Variants in R3HCC1L observed in about 807,000 individuals in gnomAD.
R3HCC1L encodes R3H domain and coiled-coil containing 1 like, also known as coiled-coil domain-containing protein R3HCC1L.
R3HCC1L carries 51 observed loss-of-function variants against 59.9 expected under a neutral mutation model. The observed-to-expected ratio is 0.85, with a 90% confidence interval of 0.68 to 1.07. The LOEUF (loss-of-function observed/expected upper bound fraction) is 1.07, where lower values mean the gene tolerates loss of function less well. Ranked by LOEUF, R3HCC1L falls within the 50% of genes least tolerant of loss-of-function variation. The pLI, the probability that R3HCC1L is intolerant of heterozygous loss-of-function variation, is 0.00. For synonymous variants in R3HCC1L, 322 were observed against 315.2 expected (o/e 1.02, Z -0.23); for missense variants, 965 against 933.0 (o/e 1.03, Z -0.45).
chr10:98,215,387 C>T (rs1041109531), intron 5 of R3HCC1L, among the ~76,000 whole-genome samples: 2 of 149,856 alleles, frequency 1.3e-5, no homozygotes, highest in African/African-American at 4.9e-5. Context: ...TGAAACAACT[C>T]TCCTAATTAG....
Position 98,227,376 on chromosome 10 carries a change from T to C in R3HCC1L, c.1786-4136T>C, listed in dbSNP as rs547299672. On this transcript the variant is annotated intron_variant, in intron 5 of 9. Transcript: ENST00000298999. The stretch of plus-strand genomic sequence containing the variant: ...TCCCAATAAAACTCTTGAATCCATT[T>C]TTCAACTTTTCCAAGGAAAGGAGAT... Among the ~76,000 whole-genome samples, 6 of 152,274 alleles carry C rather than the reference T, an allele frequency of 3.9e-5. No individual in the cohort carries two copies. The South Asian group carries it at 1.2e-3, about 32-fold the overall frequency.
At chr10:98,171,260 A>G (rs1324107323) in intron 4 of R3HCC1L, among the ~76,000 whole-genome samples, 1 of 152,198 alleles carries the variant, frequency 6.6e-6, no homozygotes, top group Non-Finnish European at 1.5e-5. Context: ...TTTATCTGAA[A>G]AACTAGGATG....
chr10:98,177,892 T>G (rs1849203823), intron 4 of R3HCC1L, among the ~76,000 whole-genome samples: 1 of 152,180 alleles, frequency 6.6e-6, no homozygotes, highest in South Asian at 2.1e-4. Context: ...GATTTTTTCT[T>G]GTAAATTTGT....
chr10:98,209,193 A>G lies in R3HCC1L; in HGVS notation c.1079A>G (p.His360Arg), dbSNP rs757453464. The change falls in exon 5 of 10, where the codon CAT becomes CGT. Residue 360 changes from histidine (H) to arginine (R), a missense_variant. By Grantham distance (29) the His-to-Arg change is conservative. Coordinates refer to ENST00000298999, the MANE Select transcript of R3HCC1L (RefSeq NM_001351015.2). ...ACAGCTGTCCTTGCTCATGAAACAC[A>G]TAGAGATAGTGGATTTAAGAATGTA... ...PDTAVLAHETHRDSGFKNVGD... is the reference protein window; with the variant it reads ...PDTAVLAHETRRDSGFKNVGD... 2.4e-5 allele frequency: 38 copies of G among 1,613,746 alleles called. No individual in the cohort carries two copies. The Admixed American group carries it at 6.0e-4, about 25-fold the overall frequency.
At chr10:98,164,004 C>T (rs900758493) in intron 4 of R3HCC1L, among the ~76,000 whole-genome samples, 3 of 152,056 alleles carry the variant, frequency 2.0e-5, no homozygotes, top group Admixed American at 2.0e-4. Context: ...GGCTTTCTTA[C>T]TCACATCTAA....
chr10:98,222,049 T>C (rs1351677398), intron 5 of R3HCC1L, among the ~76,000 whole-genome samples: 3 of 152,244 alleles, frequency 2.0e-5, no homozygotes. Flanking sequence ...TCCTTTTTTA[T>C]TTCCTTGAGC....
chr10:98,243,545 G>A (rs72828459), intron 9 of R3HCC1L, among the ~76,000 whole-genome samples: 4,785 of 152,270 alleles, frequency 0.031, 96 homozygotes, highest in Non-Finnish European at 0.044. Context: ...GTATATTCCA[G>A]AAGATTTCTG....
intron 5 of R3HCC1L, among the ~76,000 whole-genome samples, chr10:98,211,668 T>G (rs1411208423): frequency 1.3e-5 from 2 of 152,090 alleles, no homozygotes; most frequent in Admixed American, 6.6e-5. Context: ...CTTTTACACA[T>G]GGTGTAGTAC....
chr10:98,159,289 A>AT, intron 2 of R3HCC1L, among the ~76,000 whole-genome samples: 1 of 152,254 alleles, frequency 6.6e-6, no homozygotes, highest in East Asian at 1.9e-4. Context: ...TGGTAATATG[A>AT]TTTTGGATCA....
At chr10:98,135,408 T>G (rs979638986) in intron 1 of R3HCC1L, among the ~76,000 whole-genome samples, 3 of 152,154 alleles carry the variant, frequency 2.0e-5, no homozygotes, top group Non-Finnish European at 4.4e-5. Context: ...AAAGTGGGGT[T>G]AATGTTCTTT....
chr10:98,227,239 TA>T (rs1434246832), intron 5 of R3HCC1L, among the ~76,000 whole-genome samples: 1 of 152,216 alleles, frequency 6.6e-6, no homozygotes, highest in Non-Finnish European at 1.5e-5. Flanking sequence ...TAGGTACTGT[TA>T]TTATTCCCAT....
chr10:98,145,208 A>C (rs536033690), intron 1 of R3HCC1L, among the ~76,000 whole-genome samples: 1 of 152,232 alleles, frequency 6.6e-6, no homozygotes, highest in Non-Finnish European at 1.5e-5. Flanking sequence ...TGATAAGCTC[A>C]AGTAGAGGGA....
chr10:98,206,045 A>G (rs1221575607), intron 4 of R3HCC1L, among the ~76,000 whole-genome samples: 1 of 152,166 alleles, frequency 6.6e-6, no homozygotes, highest in Non-Finnish European at 1.5e-5. Context: ...AACATAAACA[A>G]GAAATCTTGT....
intron 4 of R3HCC1L, among the ~76,000 whole-genome samples, chr10:98,195,171 G>A (rs951135839): frequency 6.6e-6 from 1 of 152,176 alleles, no homozygotes; most frequent in Non-Finnish European, 1.5e-5. Flanking sequence ...CTGCCTCATG[G>A]TTGAACCTTC....
At chr10:98,234,147 A>G (rs1856672595) in intron 6 of R3HCC1L, among the ~76,000 whole-genome samples, 1 of 152,170 alleles carries the variant, frequency 6.6e-6, no homozygotes, top group South Asian at 2.1e-4. Context: ...ATCTCTTGTA[A>G]ATAGTGCATT....
intron 4 of R3HCC1L, among the ~76,000 whole-genome samples, chr10:98,184,400 A>G (rs1280556928): frequency 6.6e-6 from 1 of 152,212 alleles, no homozygotes; most frequent in Non-Finnish European, 1.5e-5. Context: ...GATAAACAAA[A>G]TACTTACCAT....
At chr10:98,173,181 T>C (rs1385131790) in intron 4 of R3HCC1L, among the ~76,000 whole-genome samples, 1 of 152,052 alleles carries the variant, frequency 6.6e-6, no homozygotes, top group Non-Finnish European at 1.5e-5. Context: ...AGCAAGAAAA[T>C]GGATGATCCC....
chr10:98,217,288 CAG>C (rs1328360993), intron 5 of R3HCC1L, among the ~76,000 whole-genome samples: 4 of 152,134 alleles, frequency 2.6e-5, no homozygotes, highest in African/African-American at 9.7e-5. Flanking sequence ...GTGCTTTCCT[CAG>C]TGTTCTTGGT....
intron 1 of R3HCC1L, among the ~76,000 whole-genome samples, chr10:98,146,391 A>G (rs1385666572): frequency 6.6e-6 from 1 of 152,228 alleles, no homozygotes; most frequent in Non-Finnish European, 1.5e-5. Context: ...CTACTGATCT[A>G]TCAAACACTA....
Sources: allele counts gnomAD v4.1 joint callset (sites outside exome capture counted in the v4.1 genomes callset), GRCh38; gene constraint gnomAD v4.1.1; transcripts MANE v1.5; gene names NCBI Gene and HGNC (gene_info 2026-07-23, HGNC 2026-07-21).